Variants in UST observed in about 807,000 individuals in gnomAD.
The protein encoded by UST is chondroitin sulfate 2-O-sulfotransferase.
Under a neutral mutation model 45.6 loss-of-function variants are expected in UST, and 21 were observed. The ratio of observed to expected loss-of-function variants is 0.46; its 90% confidence interval spans 0.33 to 0.66. The LOEUF is 0.66. Among genes scored for constraint, UST ranks in the 30% least tolerant of loss-of-function variants. The probability of loss-of-function intolerance (pLI) is 0.02; values close to 1 mark genes in which losing one functional copy is unlikely to be tolerated. For missense variants in UST, 463 were observed against 512.4 expected, an observed-to-expected ratio of 0.90 and a Z score of 0.93; for synonymous variants, 215 against 200.6, an observed-to-expected ratio of 1.07 and a Z score of -0.61.
intron 1 of UST, among the ~76,000 whole-genome samples, chr6:148,871,340 C>T (rs571233502): frequency 4.6e-5 from 7 of 152,126 alleles, no homozygotes; most frequent in African/African-American, 7.2e-5. Context: ...CAATTTGTTA[C>T]AGCAGTCCAA....
chr6:148,766,796 G>A (rs1188430760), intron 1 of UST, among the ~76,000 whole-genome samples: 2 of 152,146 alleles, frequency 1.3e-5, no homozygotes, highest in African/African-American at 4.8e-5. Flanking sequence ...AAGCTCCATG[G>A]GTAATTCTAA....
intron 1 of UST, among the ~76,000 whole-genome samples, chr6:148,789,244 C>T (rs528300389): frequency 6.6e-6 from 1 of 152,116 alleles, no homozygotes; most frequent in Non-Finnish European, 1.5e-5. Context: ...GCTGAATGAT[C>T]TAGAAACTGT....
rs139795765 is a variant in UST, at chr6:148,763,913, T to C, written c.247+16236T>C. On this transcript the variant is annotated intron_variant, in intron 1 of 7. Coordinates refer to ENST00000367463, the MANE Select transcript of UST (RefSeq NM_005715.3). The stretch of plus-strand genomic sequence containing the variant: ...GGTTACTATAGTCTTGTAGTATAAT[T>C]TGAATTCAGATAATGCTATCCCTCC... Among the ~76,000 whole-genome samples the C allele has an allele frequency of 1.8e-3, 279 of 152,346 alleles. 2 individuals carry two copies. The highest frequency in any genetic ancestry group is 6.5e-3 in the African/African-American group (270 of 41,584).
At chr6:149,059,248 A>T (rs1176446096) in intron 7 of UST, among the ~76,000 whole-genome samples, 1 of 152,172 alleles carries the variant, frequency 6.6e-6, no homozygotes, top group Non-Finnish European at 1.5e-5. Flanking sequence ...TTAGGATCTG[A>T]GGGTGAGGTT....
In UST at chr6:148,790,344, T is replaced by C. The variant is rs1173208650; in HGVS notation, c.247+42667T>C. ...CTCTCCAGCGCCTCATGATGTCAGA[T>C]GTAGAATAATCCTTCACTATATTTG... On this transcript the variant is annotated intron_variant, in intron 1 of 7. Transcript: ENST00000367463. This position sits in a 1 kb window ranked among gnomAD's most constrained non-coding sequence, Gnocchi z 4.2. 3.9e-5 allele frequency among the ~76,000 whole-genome samples: 6 copies of C among 152,190 alleles called. No individual in the cohort carries two copies. Among genetic ancestry groups the C allele is most frequent in the African/African-American group, 2.4e-5 (1 of 41,446 alleles).
chr6:148,770,058 G>T (rs1014580995), intron 1 of UST, among the ~76,000 whole-genome samples: 1 of 151,934 alleles, frequency 6.6e-6, no homozygotes, highest in Non-Finnish European at 1.5e-5. Flanking sequence ...TTGACCCTGC[G>T]ATCATTGGAT....
chr6:149,063,336 A>AT (rs1463481719), intron 7 of UST, among the ~76,000 whole-genome samples: 1 of 152,240 alleles, frequency 6.6e-6, no homozygotes, highest in Admixed American at 6.5e-5. Context: ...AATAGTTATC[A>AT]TAAAATTAAC....
intron 4 of UST, among the ~76,000 whole-genome samples, chr6:148,958,734 G>T (rs1780580686): frequency 6.6e-6 from 1 of 152,058 alleles, no homozygotes; most frequent in Admixed American, 6.6e-5. Flanking sequence ...CCCCAATTTT[G>T]TTTGTTTTCT....
In UST at chr6:148,928,705, A is replaced by G. The variant is rs563379003; in HGVS notation, c.292-12574A>G. 2.0e-5 allele frequency among the ~76,000 whole-genome samples: 3 copies of G among 152,364 alleles called. No individual in the cohort carries two copies. In the East Asian group the frequency reaches 5.8e-4, roughly 29 times the overall value. On this transcript the variant is annotated intron_variant, in intron 2 of 7. Coordinates refer to ENST00000367463, the MANE Select transcript of UST (RefSeq NM_005715.3). ...GCCACATTTGTTCAAAATTAATTCA[A>G]TTATGAAAAAGGTATACTTGTGAAA...
intron 2 of UST, among the ~76,000 whole-genome samples, chr6:148,896,787 T>C (rs1409561039): frequency 1.2e-4 from 19 of 152,202 alleles, no homozygotes; most frequent in Admixed American, 1.2e-3. Context: ...TTTCTGTTCA[T>C]TCTTGGTGCC....
At chr6:149,069,847 A>C (rs547559008) in intron 7 of UST, among the ~76,000 whole-genome samples, 1 of 152,366 alleles carries the variant, frequency 6.6e-6, no homozygotes, top group East Asian at 1.9e-4. Flanking sequence ...ACATTTTGCA[A>C]GTGATTGAAG....
Position 148,747,420 on chromosome 6 carries a change from C to T in UST, c.-11C>T. The T allele has an allele frequency of 7.2e-7, 1 of 1,396,408 alleles. No individual in the cohort carries two copies. Among genetic ancestry groups the T allele is most frequent in the Non-Finnish European group, 9.3e-7 (1 of 1,071,516 alleles). The allele number at this position is 1,396,408 out of a possible 1,614,324, so 86.5% of individuals were successfully genotyped here. A position where few individuals can be genotyped will look rare whatever the true frequency, so the allele number is the denominator to read the frequency against. On this transcript the variant is annotated 5_prime_UTR_variant, in exon 1 of 8. Transcript: ENST00000367463. ...GGCACGGGCAGGCTGTGGGAGGCAG[C>T]GGAGCAGGCGATGAAGAAGAAGCAG...
At chr6:148,867,685 G>A (rs138325867) in intron 1 of UST, among the ~76,000 whole-genome samples, 1 of 152,124 alleles carries the variant, frequency 6.6e-6, no homozygotes. Flanking sequence ...TGTAAGATGT[G>A]CCTTTCACCT....
At chr6:148,942,548 C>A (rs377550645) in intron 3 of UST, among the ~76,000 whole-genome samples, 3 of 152,032 alleles carry the variant, frequency 2.0e-5, no homozygotes, top group African/African-American at 7.2e-5. Context: ...CAGAGCGAGA[C>A]TTTGTCTCAA....
At chr6:148,830,251 A>G (rs1777657593) in intron 1 of UST, among the ~76,000 whole-genome samples, 1 of 152,212 alleles carries the variant, frequency 6.6e-6, no homozygotes, top group African/African-American at 2.4e-5. Flanking sequence ...GTTTGTGGCA[A>G]GTGGGCCAGG....
At chr6:149,059,560 C>T (rs962025230) in intron 7 of UST, among the ~76,000 whole-genome samples, 8 of 152,196 alleles carry the variant, frequency 5.3e-5, no homozygotes, top group African/African-American at 1.7e-4. Context: ...ACATTTGCTT[C>T]TCCCTTTATT....
intron 1 of UST, among the ~76,000 whole-genome samples, chr6:148,805,528 G>A (rs1228894338): frequency 1.3e-5 from 2 of 152,142 alleles, no homozygotes; most frequent in African/African-American, 2.4e-5. Flanking sequence ...ACTCAGTATC[G>A]TAAAAGGTCA....
intron 1 of UST, among the ~76,000 whole-genome samples, chr6:148,780,874 T>C (rs1776631290): frequency 1.3e-5 from 2 of 152,220 alleles, no homozygotes; most frequent in African/African-American, 4.8e-5. Context: ...GTGTTACTAT[T>C]GTAATTGTTT....
At chr6:148,987,673 T>C (rs954799755) in intron 5 of UST, among the ~76,000 whole-genome samples, 1 of 152,146 alleles carries the variant, frequency 6.6e-6, no homozygotes, top group African/African-American at 2.4e-5. Context: ...CAAAAATGTT[T>C]CTTCCTTCTT....
Sources: allele counts gnomAD v4.1 joint callset (sites outside exome capture counted in the v4.1 genomes callset), GRCh38; gene constraint gnomAD v4.1.1; non-coding constraint Gnocchi (gnomAD v3.1); transcripts MANE v1.5; gene names NCBI Gene and HGNC (gene_info 2026-07-23, HGNC 2026-07-21).